Variants in PROM1 observed in about 807,000 individuals in gnomAD.
PROM1 encodes the protein prominin 1, also known as prominin-1.
PROM1 carries 105 observed loss-of-function variants against 116.9 expected under a neutral mutation model. That is an observed-to-expected ratio of 0.90 (90% CI 0.77 to 1.06). PROM1 has a LOEUF of 1.06. Ranked by LOEUF, PROM1 falls within the 50% of genes least tolerant of loss-of-function variation. PROM1 has a pLI of 0.00. For synonymous variants in PROM1, 393 were observed against 387.0 expected, an observed-to-expected ratio of 1.02 and a Z score of -0.18; for missense variants, 1,122 against 1,045.2, an observed-to-expected ratio of 1.07 and a Z score of -1.01.
rs371857360 is a variant in PROM1, at chr4:15,994,085, C to T, written c.1683-14G>A. ...TTTTTGCAGTCACTGTGGGAATGAA[C>T]AGAGAAATTAGGACCTAGAAAAGCT... is the stretch of plus-strand genomic sequence containing the variant. On this transcript the variant is annotated splice_polypyrimidine_tract_variant and intron_variant, in intron 15 of 27. Transcript: ENST00000447510. The T allele has an allele frequency of 2.1e-5, 34 of 1,613,520 alleles. No individual in the cohort carries two copies. The highest frequency in any genetic ancestry group is 1.2e-4 in the Admixed American group (7 of 59,952).
intron 2 of PROM1, among the ~76,000 whole-genome samples, chr4:16,042,815 G>A (rs1282842353): frequency 6.6e-6 from 1 of 152,162 alleles, no homozygotes; most frequent in East Asian, 1.9e-4. Flanking sequence ...ATCTCAGTGA[G>A]AGCAGACGTT....
At chr4:16,010,559 A>G (rs1726657552) in intron 11 of PROM1, among the ~76,000 whole-genome samples, 1 of 152,236 alleles carries the variant, frequency 6.6e-6, no homozygotes, top group South Asian at 2.1e-4. Context: ...GCTGGAGTGC[A>G]GTGGCACGAT....
intron 2 of PROM1, among the ~76,000 whole-genome samples, chr4:16,065,739 G>A (rs1160404767): frequency 2.0e-5 from 3 of 152,174 alleles, no homozygotes; most frequent in Non-Finnish European, 4.4e-5. Context: ...TAATATCTCT[G>A]AGCAGCACAA....
intron 13 of PROM1, among the ~76,000 whole-genome samples, chr4:16,003,924 G>T (rs1724532913): frequency 6.6e-6 from 1 of 152,168 alleles, no homozygotes; most frequent in Non-Finnish European, 1.5e-5. Flanking sequence ...GCTTGGTTTT[G>T]AAAGAGACCA....
chr4:16,002,276 T>C (rs1351235449), intron 13 of PROM1, among the ~76,000 whole-genome samples: 1 of 152,218 alleles, frequency 6.6e-6, no homozygotes, highest in Non-Finnish European at 1.5e-5. Flanking sequence ...TGTCAGACTA[T>C]GGCAAGTCCA....
chr4:15,983,985 C>T (rs1411067006), intron 23 of PROM1, among the ~76,000 whole-genome samples: 1 of 152,184 alleles, frequency 6.6e-6, no homozygotes, highest in East Asian at 1.9e-4. Context: ...GAAATCTGCA[C>T]ACCCGTGACT....
At chr4:16,021,831 C>G (rs1729971991) in intron 8 of PROM1, among the ~76,000 whole-genome samples, 1 of 152,168 alleles carries the variant, frequency 6.6e-6, no homozygotes, top group South Asian at 2.1e-4. Context: ...TCCACCACTT[C>G]CCCCAGCTAC....
At chr4:16,014,674 G>A (rs1020044917) in intron 10 of PROM1, among the ~76,000 whole-genome samples, 20 of 152,128 alleles carry the variant, frequency 1.3e-4, no homozygotes, top group African/African-American at 4.8e-4. Flanking sequence ...TAGAACACTA[G>A]GCATAAATGG....
chr4:16,052,684 T>C (rs1157029553), intron 2 of PROM1, among the ~76,000 whole-genome samples: 1 of 152,200 alleles, frequency 6.6e-6, no homozygotes, highest in African/African-American at 2.4e-5. Flanking sequence ...CTTTGCCGTG[T>C]TGCCTAGGTT....
intron 2 of PROM1, among the ~76,000 whole-genome samples, chr4:16,045,687 G>A (rs1475017165): frequency 6.6e-6 from 1 of 152,014 alleles, no homozygotes; most frequent in African/African-American, 2.4e-5. Context: ...CACATGCAGA[G>A]ACTCACTGAA....
chr4:16,053,987 G>A (rs1460626571), intron 2 of PROM1, among the ~76,000 whole-genome samples: 1 of 152,198 alleles, frequency 6.6e-6, no homozygotes, highest in Non-Finnish European at 1.5e-5. Context: ...CCAGTTACTT[G>A]GGAGGCCAAG....
intron 4 of PROM1, 63 bp downstream of exon 4, chr4:16,035,672 G>T: frequency 7.0e-7 from 1 of 1,427,500 alleles, no homozygotes; most frequent in Non-Finnish European, 9.9e-7. Flanking sequence ...TCACAGTGAG[G>T]ATGACAGTGA....
rs372683691 is a variant in PROM1, at chr4:16,006,696, G to A, written c.1302-6C>T. ...TGACCAGGCCACCCAGCCACCTGGA[G>A]AGGCAAGCACAGTGTTAGTATACAT... On this transcript the variant is annotated splice_region_variant and splice_polypyrimidine_tract_variant and intron_variant, in intron 12 of 27. Coordinates refer to ENST00000447510, the MANE Select transcript of PROM1 (RefSeq NM_006017.3). 1.2e-5 allele frequency: 20 copies of A among 1,612,514 alleles called. No individual in the cohort carries two copies. The highest frequency in any genetic ancestry group is 1.6e-5 in the Non-Finnish European group (19 of 1,179,432).
chr4:15,994,201 T>C (rs1721754568), intron 15 of PROM1, 130 bp from the exon 16 acceptor site: 1 of 1,489,490 alleles, frequency 6.7e-7, no homozygotes, highest in Non-Finnish European at 8.9e-7. Context: ...TGGGGCTGCA[T>C]GTCCCCAGTG....
intron 2 of PROM1, 67 bp downstream of exon 2, chr4:16,075,620 C>T: frequency 2.1e-6 from 3 of 1,416,086 alleles, no homozygotes; most frequent in Non-Finnish European, 2.9e-6. Flanking sequence ...ATTGCATTGA[C>T]ATTAAAAAAC....
At chr4:16,047,725 G>A (rs2149453974) in intron 2 of PROM1, among the ~76,000 whole-genome samples, 1 of 152,290 alleles carries the variant, frequency 6.6e-6, no homozygotes, top group East Asian at 1.9e-4. Flanking sequence ...CCTGCTGGAT[G>A]GTTATACCTC....
intron 11 of PROM1, among the ~76,000 whole-genome samples, chr4:16,009,785 C>T (rs1441282207): frequency 6.6e-5 from 10 of 151,688 alleles, no homozygotes; most frequent in Non-Finnish European, 1.5e-5. Context: ...ACTAAAAATA[C>T]AAAAATTACC....
chr4:16,062,325 G>A (rs1412399686), intron 2 of PROM1, among the ~76,000 whole-genome samples: 1 of 152,120 alleles, frequency 6.6e-6, no homozygotes, highest in Non-Finnish European at 1.5e-5. Context: ...GGTACTTCGG[G>A]TTAGAAATTC....
chr4:16,008,853 G>T, intron 12 of PROM1, 96 bp downstream of exon 12: 1 of 1,191,330 alleles, frequency 8.4e-7, no homozygotes, highest in Non-Finnish European at 1.2e-6. Flanking sequence ...TGTACAATTT[G>T]CTCTCATAAG....
Sources: allele counts gnomAD v4.1 joint callset (sites outside exome capture counted in the v4.1 genomes callset), GRCh38; gene constraint gnomAD v4.1.1; transcripts MANE v1.5; gene names NCBI Gene and HGNC (gene_info 2026-07-23, HGNC 2026-07-21).